LRMDA: variants seen among roughly 807,000 people sequenced by gnomAD.
The protein encoded by LRMDA is leucine-rich melanocyte differentiation-associated protein.
A neutral mutation model predicts 29.8 loss-of-function variants in LRMDA; 18 were observed. The ratio of observed to expected loss-of-function variants is 0.60; its 90% CI spans 0.42 to 0.90. The LOEUF is 0.90. Among genes scored for constraint, LRMDA ranks in the 40% least tolerant of loss-of-function variants. The pLI, the probability that LRMDA is intolerant of heterozygous loss-of-function variation, is 0.00. For missense variants in LRMDA, 273 were observed against 273.9 expected (o/e 1.00, Z 0.02); for synonymous variants, 125 against 109.4 (o/e 1.14, Z -0.89).
At chr10:76,324,603 T>G (rs778852931) in intron 6 of LRMDA, 118 bp downstream of exon 6, 71 of 844,406 alleles carry the variant, frequency 8.4e-5, no homozygotes, top group Admixed American at 3.8e-4. Flanking sequence ...GCTTTTTAAG[T>G]CCTTGATGAG....
At chr10:75,435,212 G>C (rs902385035) in intron 1 of LRMDA, among the ~76,000 whole-genome samples, 2 of 152,178 alleles carry the variant, frequency 1.3e-5, no homozygotes, top group Admixed American at 6.5e-5. Context: ...TTGCTTCTGT[G>C]CCATTTAAGA....
chr10:76,208,196 T>A (rs917003955), intron 5 of LRMDA, among the ~76,000 whole-genome samples: 2 of 152,182 alleles, frequency 1.3e-5, no homozygotes, highest in East Asian at 3.8e-4. Context: ...CTGAGTTAAA[T>A]GCTTTGGAAA....
chr10:76,504,695 T>A (rs1389778129), intron 6 of LRMDA, among the ~76,000 whole-genome samples: 1 of 152,120 alleles, frequency 6.6e-6, no homozygotes, highest in East Asian at 1.9e-4. Flanking sequence ...TGGATGTCAT[T>A]ACGTATGAGA....
chr10:76,396,683 T>C (rs1363128815), intron 6 of LRMDA: 1 of 152,134 alleles, frequency 6.6e-6, no homozygotes, highest in African/African-American at 2.4e-5. Flanking sequence ...TATGGGAAGA[T>C]AGTCAAATAA....
At chr10:75,574,251 T>C (rs1840474232) in intron 2 of LRMDA, among the ~76,000 whole-genome samples, 1 of 152,202 alleles carries the variant, frequency 6.6e-6, no homozygotes, top group Non-Finnish European at 1.5e-5. Flanking sequence ...AGTCTTCTTT[T>C]CCCACTTACT....
intron 2 of LRMDA, among the ~76,000 whole-genome samples, chr10:75,880,699 G>C (rs936366319): frequency 6.6e-6 from 1 of 152,216 alleles, no homozygotes; most frequent in Non-Finnish European, 1.5e-5. Flanking sequence ...TGACTCTCAG[G>C]AAACCGGTAT....
intron 2 of LRMDA, among the ~76,000 whole-genome samples, chr10:75,711,447 C>A (rs543586902): frequency 1.3e-5 from 2 of 152,164 alleles, no homozygotes; most frequent in East Asian, 3.9e-4. Context: ...AGTTACAATT[C>A]CCTGTTTTTT....
At chr10:75,438,364 C>A in intron 1 of LRMDA, 30 bp from the exon 2 acceptor site, 1 of 1,511,492 alleles carries the variant, frequency 6.6e-7, no homozygotes, top group Non-Finnish European at 9.0e-7. Context: ...TTCCATTTGC[C>A]ACATTGTTTC....
intron 2 of LRMDA, among the ~76,000 whole-genome samples, chr10:75,532,078 GGAAA>G (rs1845484431): frequency 7.0e-6 from 1 of 143,444 alleles, no homozygotes; most frequent in Non-Finnish European, 1.5e-5. Flanking sequence ...AAAAAAAAAA[GGAAA>G]GAGCCAGTGA....
At position 76,557,583 on chromosome 10, in the gene LRMDA, T is replaced by G; in HGVS notation, c.*295T>G. 2 of 440,458 alleles carry G rather than the reference T, an allele frequency of 4.5e-6. No individual in the cohort carries two copies. The highest frequency in any genetic ancestry group is 8.2e-6 in the Non-Finnish European group (2 of 242,948). 27.3% of individuals were successfully genotyped at this position (440,458 alleles called of 1,614,324 possible). A position where few individuals can be genotyped will look rare whatever the true frequency, so the allele number is the denominator to read the frequency against. ...AGGGCTGACAGCATGAACACCATGA[T>G]AGATTGCCTGGTCCTGCCACTGCTC... On this transcript the variant is annotated 3_prime_UTR_variant, in exon 7 of 7. Transcript: ENST00000611255.
rs10553888 is a variant in LRMDA, at chr10:75,692,564, CGTGTGTGTGTGTGT to C, written c.131+254099_131+254112del. 5.5e-3 allele frequency among the ~76,000 whole-genome samples: 771 copies of C among 140,230 alleles called. 7 individuals carry two copies. Among genetic ancestry groups the C allele is most frequent in the Middle Eastern group, 0.021 (6 of 280 alleles). The allele number at this position is 140,230 out of a possible 152,430, so 92.0% of individuals were successfully genotyped here. On this transcript the variant is annotated intron_variant, in intron 2 of 6. Transcript: ENST00000611255. ...ATATATACACATATACATATGTATA[CGTGTGTGTGTGTGT>C]GTGTGTGTGTGTGTGTGTGTGTGTG... is the stretch of plus-strand genomic sequence containing the variant.
At chr10:76,306,201 C>T (rs912218922) in intron 5 of LRMDA, among the ~76,000 whole-genome samples, 1 of 152,192 alleles carries the variant, frequency 6.6e-6, no homozygotes, top group Non-Finnish European at 1.5e-5. Flanking sequence ...CATACTTTTG[C>T]ATACTGCAGC....
chr10:76,232,328 G>C (rs1852073122), intron 5 of LRMDA, among the ~76,000 whole-genome samples: 1 of 152,004 alleles, frequency 6.6e-6, no homozygotes, highest in Non-Finnish European at 1.5e-5. Context: ...TTGAATCTAT[G>C]GAATAAATGG....
intron 2 of LRMDA, among the ~76,000 whole-genome samples, chr10:75,870,767 C>T (rs1845095437): frequency 2.0e-5 from 3 of 152,188 alleles, no homozygotes; most frequent in Admixed American, 2.0e-4. Context: ...CAAACTCCCC[C>T]CTTTCTTGTA....
At chr10:75,820,627 C>T (rs1205883150) in intron 2 of LRMDA, among the ~76,000 whole-genome samples, 1 of 151,978 alleles carries the variant, frequency 6.6e-6, no homozygotes, top group African/African-American at 2.4e-5. Context: ...CAAGAACAAA[C>T]CACACCCAGA....
intron 2 of LRMDA, among the ~76,000 whole-genome samples, chr10:76,028,893 T>G (rs1320799293): frequency 6.7e-6 from 1 of 149,550 alleles, no homozygotes; most frequent in African/African-American, 2.5e-5. Context: ...CTCAGCTCAC[T>G]GCAACCTCCA....
intron 6 of LRMDA, among the ~76,000 whole-genome samples, chr10:76,518,942 CTAAG>C (rs1843091636): frequency 6.6e-6 from 1 of 152,048 alleles, no homozygotes; most frequent in Non-Finnish European, 1.5e-5. Context: ...ATTTCAAAAA[CTAAG>C]TATCACATGT....
chr10:76,425,904 C>T (rs890971220), intron 6 of LRMDA, among the ~76,000 whole-genome samples: 1 of 152,160 alleles, frequency 6.6e-6, no homozygotes, highest in African/African-American at 2.4e-5. Flanking sequence ...TTTCCAGCTT[C>T]ATCCATGTCC....
At chr10:75,736,721 T>C (rs1487903309) in intron 2 of LRMDA, among the ~76,000 whole-genome samples, 1 of 152,232 alleles carries the variant, frequency 6.6e-6, no homozygotes, top group Non-Finnish European at 1.5e-5. Flanking sequence ...AGTTACAGAA[T>C]TGCCAGCACA....
Sources: allele counts gnomAD v4.1 joint callset (sites outside exome capture counted in the v4.1 genomes callset), GRCh38; gene constraint gnomAD v4.1.1; transcripts MANE v1.5; gene names NCBI Gene and HGNC (gene_info 2026-07-23, HGNC 2026-07-21).